GPC5: variants seen among roughly 807,000 people sequenced by gnomAD.
GPC5 encodes glypican-5.
GPC5 carries 47 observed loss-of-function variants against 53.9 expected under a neutral mutation model. The observed-to-expected ratio is 0.87, with a 90% CI of 0.69 to 1.11. GPC5 has a LOEUF of 1.11. Ranked by LOEUF, GPC5 falls within the 50% of genes most tolerant of loss-of-function variation. The probability of loss-of-function intolerance (pLI) is 0.00; values close to 1 mark genes in which losing one functional copy is unlikely to be tolerated. For synonymous variants in GPC5, 286 were observed against 263.3 expected (o/e 1.09, Z -0.84); for missense variants, 748 against 713.1 (o/e 1.05, Z -0.56).
chr13:92,099,138 T>G (rs1412404367), intron 6 of GPC5, among the ~76,000 whole-genome samples: 2 of 152,172 alleles, frequency 1.3e-5, no homozygotes. Context: ...CCACACCAAC[T>G]ATCACATTTT....
intron 5 of GPC5, among the ~76,000 whole-genome samples, chr13:91,771,977 A>C (rs1040559669): frequency 1.3e-5 from 2 of 152,174 alleles, no homozygotes; most frequent in Admixed American, 1.3e-4. Flanking sequence ...GAATATGGGT[A>C]GTTACTGCAC....
At chr13:92,811,502 A>G (rs569249180) in intron 7 of GPC5, among the ~76,000 whole-genome samples, 4 of 152,076 alleles carry the variant, frequency 2.6e-5, no homozygotes, top group African/African-American at 9.7e-5. Flanking sequence ...GCTATTCTTT[A>G]TACATTCTAG....
At chr13:92,454,580 C>T (rs1194257760) in intron 7 of GPC5, among the ~76,000 whole-genome samples, 2 of 152,168 alleles carry the variant, frequency 1.3e-5, no homozygotes, top group African/African-American at 2.4e-5. Context: ...GTACCAGGAA[C>T]AAGACTAATG....
At chr13:92,517,240 C>G (rs910386751) in intron 7 of GPC5, among the ~76,000 whole-genome samples, 3 of 152,226 alleles carry the variant, frequency 2.0e-5, no homozygotes, top group African/African-American at 7.2e-5. Flanking sequence ...TCTGTAGACT[C>G]CACCTCTGGG....
At chr13:92,375,658 C>T (rs80228409) in intron 7 of GPC5, among the ~76,000 whole-genome samples, 1 of 152,090 alleles carries the variant, frequency 6.6e-6, no homozygotes, top group East Asian at 1.9e-4. Flanking sequence ...TCTGGTGAGG[C>T]AATCTGAAAT....
intron 6 of GPC5, among the ~76,000 whole-genome samples, chr13:92,133,346 G>A (rs972610182): frequency 1.5e-4 from 23 of 152,098 alleles, no homozygotes; most frequent in African/African-American, 5.3e-4. Flanking sequence ...GTACTAAATG[G>A]GATCAGAATG....
intron 5 of GPC5, among the ~76,000 whole-genome samples, chr13:91,789,211 T>C (rs768759749): frequency 4.4e-5 from 6 of 135,668 alleles, no homozygotes; most frequent in Non-Finnish European, 7.8e-5. Context: ...AAAGTCCATC[T>C]CAAAAAAGAA....
chr13:92,004,130 T>G lies in GPC5; in HGVS notation c.1401+96073T>G, dbSNP rs1367452714. On this transcript the variant is annotated intron_variant, in intron 6 of 7. Coordinates refer to ENST00000377067, the MANE Select transcript of GPC5 (RefSeq NM_004466.6). ...GTTTTGACTTTATTTTCCCAAAGTGTTTATTCTTCTTATGCATTTAATAAT... is the reference window on the plus strand; with the variant it reads ...GTTTTGACTTTATTTTCCCAAAGTGGTTATTCTTCTTATGCATTTAATAAT... Among the ~76,000 whole-genome samples the G allele has an allele frequency of 9.2e-5, 14 of 152,000 alleles. 1 individual carries two copies. The highest frequency in any genetic ancestry group is 9.2e-4 in the Admixed American group (14 of 15,252).
At chr13:92,519,941 G>A (rs900460527) in intron 7 of GPC5, among the ~76,000 whole-genome samples, 1 of 152,048 alleles carries the variant, frequency 6.6e-6, no homozygotes, top group Non-Finnish European at 1.5e-5. Flanking sequence ...AAATGATAAA[G>A]GGGATATCAC....
intron 2 of GPC5, among the ~76,000 whole-genome samples, chr13:91,658,196 A>G (rs2034894083): frequency 1.3e-5 from 2 of 152,220 alleles, no homozygotes; most frequent in Non-Finnish European, 2.9e-5. Flanking sequence ...GTTCCCACCT[A>G]TCACAAGTTT....
intron 4 of GPC5, among the ~76,000 whole-genome samples, chr13:91,750,066 C>T (rs1223194113): frequency 6.6e-6 from 1 of 152,174 alleles, no homozygotes; most frequent in Non-Finnish European, 1.5e-5. Flanking sequence ...CTGCCTCGGT[C>T]TCCCAAAGTG....
chr13:91,641,752 C>A (rs1178508261), intron 2 of GPC5, among the ~76,000 whole-genome samples: 5 of 152,190 alleles, frequency 3.3e-5, no homozygotes, highest in Non-Finnish European at 7.3e-5. Context: ...AAGTTAGAGA[C>A]ATAAGAGGGT....
intron 5 of GPC5, among the ~76,000 whole-genome samples, chr13:91,786,006 C>CT (rs1416666455): frequency 5.9e-5 from 9 of 151,574 alleles, no homozygotes; most frequent in South Asian, 2.1e-4. Flanking sequence ...GTTTTTCTTT[C>CT]TTTTTTTTGA....
In GPC5 at chr13:91,871,706, T is replaced by C. The variant is rs117872892; in HGVS notation, c.1281-36231T>C. Among the ~76,000 whole-genome samples, 956 of 151,816 alleles carry C rather than the reference T, an allele frequency of 6.3e-3. 60 individuals carry two copies. In the East Asian group the frequency reaches 0.13, roughly 21 times the overall value. ...CATCTTCAAATTAAGTTTTTTTTTT[T>C]CAGCCACTTTGGATTAGATTTTTCA... is the stretch of plus-strand genomic sequence containing the variant. On this transcript the variant is annotated intron_variant, in intron 5 of 7. Coordinates refer to ENST00000377067, the MANE Select transcript of GPC5 (RefSeq NM_004466.6).
chr13:91,813,754 C>G (rs918171764), intron 5 of GPC5, among the ~76,000 whole-genome samples: 1 of 151,892 alleles, frequency 6.6e-6, no homozygotes, highest in Admixed American at 6.6e-5. Flanking sequence ...TTGGAAATAA[C>G]CTAATTAGTT....
intron 6 of GPC5, among the ~76,000 whole-genome samples, chr13:91,924,436 C>G (rs2139021793): frequency 6.6e-6 from 1 of 152,200 alleles, no homozygotes; most frequent in East Asian, 1.9e-4. Flanking sequence ...GTATCATTAT[C>G]TGGCCTAGAG....
chr13:92,425,387 TC>T (rs1876786490), intron 7 of GPC5, among the ~76,000 whole-genome samples: 1 of 152,080 alleles, frequency 6.6e-6, no homozygotes, highest in Admixed American at 6.6e-5. Flanking sequence ...GGCTAATGTT[TC>T]TAACATTTAT....
chr13:91,409,020 T>G (rs1200811753), intron 1 of GPC5, among the ~76,000 whole-genome samples: 1 of 152,192 alleles, frequency 6.6e-6, no homozygotes, highest in Non-Finnish European at 1.5e-5. Flanking sequence ...TATTTCTGGA[T>G]GTCCTTGTTC....
chr13:91,796,305 T>C (rs1163957333), intron 5 of GPC5, among the ~76,000 whole-genome samples: 3 of 152,148 alleles, frequency 2.0e-5, no homozygotes, highest in East Asian at 1.9e-4. Flanking sequence ...GGATCAGAAG[T>C]GCAGTGGACA....
Sources: gnomAD v4.1 joint callset for allele counts (sites outside exome capture counted in the v4.1 genomes callset) on GRCh38, gnomAD v4.1.1 for gene constraint, MANE v1.5 for transcripts, NCBI Gene and HGNC (gene_info 2026-07-23, HGNC 2026-07-21) for gene names.